Variants in MEGF10 observed in about 807,000 individuals in gnomAD.
MEGF10 encodes multiple epidermal growth factor-like domains protein 10.
MEGF10 carries 86 observed loss-of-function variants against 147.5 expected under a neutral mutation model. The ratio of observed to expected loss-of-function variants is 0.58; its 90% CI spans 0.49 to 0.70. The LOEUF is 0.70. MEGF10 is among the 30% of genes least tolerant of loss of function. The probability of loss-of-function intolerance (pLI) is 0.00; values close to 1 mark genes in which losing one functional copy is unlikely to be tolerated. For missense variants in MEGF10, 1,329 were observed against 1,487.3 expected (o/e 0.89, Z 1.75); for synonymous variants, 478 against 525.5 (o/e 0.91, Z 1.24).
chr5:127,391,775 T>C (rs1228469133), intron 5 of MEGF10, among the ~76,000 whole-genome samples: 1 of 152,192 alleles, frequency 6.6e-6, no homozygotes, highest in African/African-American at 2.4e-5. Flanking sequence ...TTCTATTGAC[T>C]CTGCTGAAAT....
At chr5:127,446,382 G>A (rs1248704303) in intron 20 of MEGF10, among the ~76,000 whole-genome samples, 4 of 152,124 alleles carry the variant, frequency 2.6e-5, no homozygotes, top group South Asian at 4.1e-4. Context: ...ACAAAATTCC[G>A]TGGAAATATG....
intron 17 of MEGF10, among the ~76,000 whole-genome samples, chr5:127,440,305 A>G (rs1765709013): frequency 6.6e-6 from 1 of 152,238 alleles, no homozygotes; most frequent in African/African-American, 2.4e-5. Flanking sequence ...AGTAGCAACA[A>G]TAGAGATGTT....
chr5:127,254,525 A>C, the MEGF10 span, among the ~76,000 whole-genome samples: 1 of 152,064 alleles, frequency 6.6e-6, no homozygotes, highest in African/African-American at 2.4e-5. Context: ...TAAAAGTTGC[A>C]TTGTGGCTGG....
At chr5:127,417,441 T>A (rs1764818777) in intron 9 of MEGF10, among the ~76,000 whole-genome samples, 197 bp from the exon 10 acceptor site, 1 of 152,200 alleles carries the variant, frequency 6.6e-6, no homozygotes, top group African/African-American at 2.4e-5. Flanking sequence ...ATGATGCTGA[T>A]TTCATACAAC....
chr5:127,402,234 A>T (rs1327582907), intron 7 of MEGF10, among the ~76,000 whole-genome samples: 1 of 152,226 alleles, frequency 6.6e-6, no homozygotes, highest in African/African-American at 2.4e-5. Flanking sequence ...TACATTCCTT[A>T]GGTTGCCATA....
intron 16 of MEGF10, among the ~76,000 whole-genome samples, chr5:127,437,426 A>G (rs925863517): frequency 1.1e-4 from 16 of 152,200 alleles, no homozygotes; most frequent in Non-Finnish European, 1.9e-4. Flanking sequence ...TGGTGCACAC[A>G]ATTATGGAAG....
At chr5:127,335,417 A>G (rs1761422292) in intron 2 of MEGF10, among the ~76,000 whole-genome samples, 1 of 152,176 alleles carries the variant, frequency 6.6e-6, no homozygotes, top group Non-Finnish European at 1.5e-5. Flanking sequence ...TAGCAGAGGA[A>G]CTAATTAAGT....
intron 7 of MEGF10, 92 bp downstream of exon 7, chr5:127,398,888 A>G (rs926273943): frequency 2.6e-6 from 4 of 1,537,548 alleles, no homozygotes; most frequent in Middle Eastern, 2.3e-4. Flanking sequence ...TTTAGCACAA[A>G]GGAAAGTTAC....
At chr5:127,406,730 G>T (rs1290696814) in intron 8 of MEGF10, among the ~76,000 whole-genome samples, 1 of 152,200 alleles carries the variant, frequency 6.6e-6, no homozygotes, top group African/African-American at 2.4e-5. Context: ...CAAATAAAAG[G>T]CTTTGGGGTT....
At chr5:127,358,391 G>A (rs187940130) in intron 4 of MEGF10, among the ~76,000 whole-genome samples, 79 of 152,298 alleles carry the variant, frequency 5.2e-4, no homozygotes, top group African/African-American at 1.7e-3. Context: ...ATTCATATGT[G>A]ATTCAGATGT....
intron 1 of MEGF10, among the ~76,000 whole-genome samples, chr5:127,328,322 C>T (rs77262632): frequency 0.029 from 4,397 of 152,188 alleles, 110 homozygotes; most frequent in East Asian, 0.11. Context: ...ATTAGGAAAA[C>T]GTATTGGGAC....
At chr5:127,230,837 A>G in the MEGF10 span, among the ~76,000 whole-genome samples, 1 of 152,198 alleles carries the variant, frequency 6.6e-6, no homozygotes, top group Admixed American at 6.5e-5. Context: ...AGAAAAACAT[A>G]TTTGTGTCCT....
chr5:127,285,684 G>A, the MEGF10 span, among the ~76,000 whole-genome samples: 1 of 152,066 alleles, frequency 6.6e-6, no homozygotes, highest in African/African-American at 2.4e-5. Flanking sequence ...CACCAAGAAA[G>A]ACCATATTTT....
rs116312116 is a variant in MEGF10 at position 127,397,043 on chromosome 5, A to G, written c.659+265A>G. 8.1e-3 allele frequency among the ~76,000 whole-genome samples: 1,239 copies of G among 152,276 alleles called. 16 individuals are homozygous for G. The highest frequency in any genetic ancestry group is 0.028 in the African/African-American group (1,170 of 41,548). ...CTAGCAGGCAAAGAGAGAGAGGGTC[A>G]GTCAGGATGTTGTGTTGAATGGCAC... is the stretch of plus-strand genomic sequence containing the variant. On this transcript the variant is annotated intron_variant, in intron 6 of 24. Transcript: ENST00000503335.
At chr5:127,363,152 C>T (rs1052132604) in intron 4 of MEGF10, among the ~76,000 whole-genome samples, 1 of 152,160 alleles carries the variant, frequency 6.6e-6, no homozygotes, top group African/African-American at 2.4e-5. Context: ...CTTGTATCTC[C>T]TCCTTATATA....
At chr5:127,384,475 A>G (rs1477563431) in intron 5 of MEGF10, among the ~76,000 whole-genome samples, 10 of 152,164 alleles carry the variant, frequency 6.6e-5, no homozygotes, top group Non-Finnish European at 1.5e-4. Context: ...TATCCTTGAG[A>G]TTTTCCTGCA....
At chr5:127,406,849 G>T (rs1297056036) in intron 8 of MEGF10, among the ~76,000 whole-genome samples, 1 of 152,198 alleles carries the variant, frequency 6.6e-6, no homozygotes, top group African/African-American at 2.4e-5. Context: ...TTCTGAAGGG[G>T]TTAAAAGAGT....
At chr5:127,396,420 T>C (rs1462211506) in intron 5 of MEGF10, 112 bp from the exon 6 acceptor site, 1 of 1,290,126 alleles carries the variant, frequency 7.8e-7, no homozygotes, top group Non-Finnish European at 1.0e-6. Context: ...AGGGCCCTGA[T>C]GTCCAGCTAA....
rs957483625 is a variant in MEGF10 at position 127,306,273 on chromosome 5, C to T, written c.-19+15217C>T. 6.6e-5 allele frequency among the ~76,000 whole-genome samples: 10 copies of T among 152,120 alleles called. No individual in the cohort carries two copies. In the South Asian group the frequency reaches 1.4e-3, roughly 22 times the overall value. ...GTGGCTGACTGTGCCCTCTCTGTTT[C>T]CTTTAATGGTGAATATGTCACTGCT... On this transcript the variant is annotated intron_variant, in intron 1 of 24. Transcript: ENST00000503335.
Sources: allele counts gnomAD v4.1 joint callset (sites outside exome capture counted in the v4.1 genomes callset), GRCh38; gene constraint gnomAD v4.1.1; transcripts MANE v1.5; gene names NCBI Gene and HGNC (gene_info 2026-07-23, HGNC 2026-07-21).